The following SYTL2 variants were observed in gnomAD, a reference collection of about 807,000 sequenced individuals.
SYTL2 encodes synaptotagmin-like protein 2.
SYTL2 carries 165 observed loss-of-function variants against 198.7 expected under a neutral mutation model. The observed-to-expected ratio is 0.83, with a 90% CI of 0.73 to 0.94. The LOEUF is 0.94. SYTL2 is among the 40% of genes least tolerant of loss of function. The pLI is 0.00. For synonymous variants in SYTL2, 966 were observed against 917.7 expected, an observed-to-expected ratio of 1.05 and a Z score of -0.95; for missense variants, 2,835 against 2,582.8, an observed-to-expected ratio of 1.10 and a Z score of -2.12.
chr11:85,843,477 A>C, the SYTL2 span, among the ~76,000 whole-genome samples: 2 of 152,080 alleles, frequency 1.3e-5, no homozygotes, highest in Non-Finnish European at 2.9e-5. Flanking sequence ...CATAGCCTTG[A>C]GGAGGAGGGG....
chr11:85,757,142 G>A, intron 2 of SYTL2, among the ~76,000 whole-genome samples: 1 of 152,188 alleles, frequency 6.6e-6, no homozygotes, highest in East Asian at 1.9e-4. Context: ...AATTGGCTCA[G>A]AGAATACTTT....
the SYTL2 span, among the ~76,000 whole-genome samples, chr11:85,840,169 T>C: frequency 2.0e-5 from 3 of 152,204 alleles, no homozygotes; most frequent in Admixed American, 2.0e-4. Flanking sequence ...CCTGAGGTCC[T>C]TACATATTCT....
intron 10 of SYTL2, chr11:85,718,574 G>GAGAT (rs2087742932): frequency 1.8e-6 from 1 of 563,710 alleles, no homozygotes; most frequent in African/African-American, 1.9e-5. Flanking sequence ...GGTCTCTGAT[G>GAGAT]AGATCCTCAT....
At chr11:85,832,215 C>T in the SYTL2 span, among the ~76,000 whole-genome samples, 1 of 152,114 alleles carries the variant, frequency 6.6e-6, no homozygotes, top group Admixed American at 6.5e-5. Context: ...TCCATTATGT[C>T]AGTCTTTGGG....
upstream of SYTL2, among the ~76,000 whole-genome samples, chr11:85,815,621 G>A (rs895610960): frequency 6.6e-6 from 1 of 152,164 alleles, no homozygotes; most frequent in African/African-American, 2.4e-5. Context: ...GATGTAGGAA[G>A]CGCAGCTATT....
chr11:85,853,240 G>A, the SYTL2 span: 741 of 427,646 alleles, frequency 1.7e-3, 1 homozygote, highest in Non-Finnish European at 2.7e-3. Flanking sequence ...GTGGGGAAAA[G>A]ATAGAGAAAT....
intron 9 of SYTL2, 158 bp from the exon 10 acceptor site, chr11:85,719,001 A>T: frequency 6.5e-7 from 1 of 1,530,116 alleles, no homozygotes; most frequent in South Asian, 1.2e-5. Context: ...TTCTCTTTAG[A>T]TTAGCTCCTT....
rs560945325 is a variant in SYTL2, at chr11:85,695,625, C to T, written c.6575-285G>A. ...TAAGGGAGTTGGGAGGACTCCTGCA[C>T]TGGGTTGGAGATGACACTAGATAAT... On this transcript the variant is annotated intron_variant, in intron 19 of 19. Coordinates refer to ENST00000359152, the MANE Select transcript of SYTL2 (RefSeq NM_206927.4). Among the ~76,000 whole-genome samples, 75 of 152,272 alleles carry T rather than the reference C, an allele frequency of 4.9e-4. 2 individuals carry two copies. Among genetic ancestry groups the T allele is most frequent in the African/African-American group, 1.6e-3 (68 of 41,560 alleles).
chr11:85,816,057 C>T (rs540409201), upstream of SYTL2, among the ~76,000 whole-genome samples: 1 of 151,958 alleles, frequency 6.6e-6, no homozygotes, highest in Non-Finnish European at 1.5e-5. Flanking sequence ...CCCAGCTACT[C>T]GAGAGGCTGA....
intron 1 of SYTL2, among the ~76,000 whole-genome samples, chr11:85,777,229 C>A (rs1027350018): frequency 6.6e-6 from 1 of 152,220 alleles, no homozygotes; most frequent in African/African-American, 2.4e-5. Flanking sequence ...GCCCCAAGCC[C>A]TACTTTTCCC....
intron 1 of SYTL2, among the ~76,000 whole-genome samples, chr11:85,792,872 T>C (rs1382751905): frequency 2.0e-5 from 3 of 151,738 alleles, no homozygotes; most frequent in Non-Finnish European, 4.4e-5. Flanking sequence ...AGTGAGAACA[T>C]GCAGTGTTTG....
At chr11:85,817,452 T>G in the SYTL2 span, among the ~76,000 whole-genome samples, 6 of 152,370 alleles carry the variant, frequency 3.9e-5, no homozygotes, top group East Asian at 5.8e-4. Flanking sequence ...GATTACATGT[T>G]GAAATGATAT....
chr11:85,787,048 C>A (rs368105822), intron 1 of SYTL2, among the ~76,000 whole-genome samples: 32 of 152,290 alleles, frequency 2.1e-4, no homozygotes, highest in African/African-American at 7.5e-4. Flanking sequence ...CTCCAATTTT[C>A]TCAACTTCAA....
chr11:85,797,128 C>A (rs1487220310), intron 1 of SYTL2, among the ~76,000 whole-genome samples: 2 of 152,136 alleles, frequency 1.3e-5, no homozygotes, highest in Admixed American at 6.6e-5. Flanking sequence ...GAGGTCAAGG[C>A]TGAATAGCTA....
At chr11:85,723,827 A>C (rs1251624387) in intron 8 of SYTL2, among the ~76,000 whole-genome samples, 1 of 149,732 alleles carries the variant, frequency 6.7e-6, no homozygotes, top group Non-Finnish European at 1.5e-5. Context: ...GAAGAATTTA[A>C]CATCATTTAA....
the SYTL2 span, among the ~76,000 whole-genome samples, chr11:85,820,974 C>T: frequency 6.6e-6 from 1 of 152,146 alleles, no homozygotes; most frequent in African/African-American, 2.4e-5. Flanking sequence ...TTATTGAGTG[C>T]CAGGCAGGGT....
chr11:85,707,531 T>C lies in SYTL2; in HGVS notation c.5916A>G (p.Pro1972=). Residue 1972 remains proline, a splice_region_variant and synonymous_variant, in exon 15 of 20, where the codon CCA becomes CCG. Coordinates refer to ENST00000359152, the MANE Select transcript of SYTL2 (RefSeq NM_206927.4). ...CTGGTAGCAAATAGGCCTTTACATA[T>C]CTGAAAAGGAGAATTGAACAGACAA... ...AADVKKQRSD[P]YVKAYLLPDK... 2 of 1,585,258 alleles carry C rather than the reference T, an allele frequency of 1.3e-6. No homozygotes were observed. The highest frequency in any genetic ancestry group is 1.7e-6 in the Non-Finnish European group (2 of 1,160,536).
At chr11:85,804,550 T>C (rs551158199) in intron 1 of SYTL2, among the ~76,000 whole-genome samples, 7 of 152,282 alleles carry the variant, frequency 4.6e-5, no homozygotes, top group African/African-American at 1.7e-4. Context: ...AAAAATAGTA[T>C]CAATAATAGA....
intron 2 of SYTL2, among the ~76,000 whole-genome samples, chr11:85,753,610 CT>C (rs547094902): frequency 2.0e-5 from 3 of 150,930 alleles, no homozygotes; most frequent in Non-Finnish European, 4.4e-5. Flanking sequence ...GTAACAAAAC[CT>C]TTTTTTTTAA....
Sources: gnomAD v4.1 joint callset for allele counts (sites outside exome capture counted in the v4.1 genomes callset) on GRCh38, gnomAD v4.1.1 for gene constraint, MANE v1.5 for transcripts, NCBI Gene and HGNC (gene_info 2026-07-23, HGNC 2026-07-21) for gene names.